CRISP2: variants seen among roughly 807,000 people sequenced by gnomAD.
CRISP2 encodes the protein cysteine-rich secretory protein 2.
A neutral mutation model predicts 31.7 loss-of-function variants in CRISP2; 29 were observed. The observed-to-expected ratio is 0.92, with a 90% CI of 0.68 to 1.25. The LOEUF (loss-of-function observed/expected upper bound fraction) is 1.25. Among genes scored for constraint, CRISP2 ranks in the 50% most tolerant of loss-of-function variants. The probability of loss-of-function intolerance (pLI) is 0.00; values close to 1 mark genes in which losing one functional copy is unlikely to be tolerated. For synonymous variants in CRISP2, 111 were observed against 101.4 expected (o/e 1.09, Z -0.57); for missense variants, 318 against 286.5 (o/e 1.11, Z -0.79).
chr6:49,698,274 A>G, intron 7 of CRISP2, 88 bp downstream of exon 7: 1 of 1,453,798 alleles, frequency 6.9e-7, no homozygotes, highest in Non-Finnish European at 9.5e-7. Context: ...CTGTTCTCCT[A>G]AATTGAACAT....
At chr6:49,711,386 C>T (rs1274360755) in intron 2 of CRISP2, 65 bp from the exon 3 acceptor site, 4 of 152,154 alleles carry the variant, frequency 2.6e-5, no homozygotes, top group Non-Finnish European at 5.9e-5. Flanking sequence ...CCTGTTTTGT[C>T]AAACTCTGGT....
the CRISP2 span, among the ~76,000 whole-genome samples, chr6:49,681,666 A>G: frequency 6.6e-6 from 1 of 152,224 alleles, no homozygotes; most frequent in Non-Finnish European, 1.5e-5. Flanking sequence ...TGGTTTAAAA[A>G]TGATGAAATC....
At position 49,692,713 on chromosome 6, in the gene CRISP2, G is replaced by A; in HGVS notation, c.*60C>T. 1 of 1,484,448 alleles carries A rather than the reference G, an allele frequency of 6.7e-7. No homozygotes were observed. The highest frequency in any genetic ancestry group is 1.4e-5 in the South Asian group (1 of 72,988). 92.0% of individuals were successfully genotyped at this position (1,484,448 alleles called of 1,614,324 possible). ...ACATACATACAATTTCCACTGGTAT[G>A]TCGCAATTAAATGATGCAGCCCTTA... is the stretch of plus-strand genomic sequence containing the variant. On this transcript the variant is annotated 3_prime_UTR_variant, in exon 10 of 10. Coordinates refer to ENST00000339139, the MANE Select transcript of CRISP2 (RefSeq NM_003296.4).
the CRISP2 span, among the ~76,000 whole-genome samples, chr6:49,683,903 C>T: frequency 2.0e-5 from 3 of 150,946 alleles, no homozygotes; most frequent in Non-Finnish European, 3.0e-5. Flanking sequence ...AATTAAATGT[C>T]CAGTTTGAAT....
chr6:49,703,054 C>T (rs1766371625), intron 4 of CRISP2, among the ~76,000 whole-genome samples: 1 of 151,984 alleles, frequency 6.6e-6, no homozygotes, highest in African/African-American at 2.4e-5. Flanking sequence ...AACTATCCCA[C>T]CACCATTTGT....
Position 49,709,625 on chromosome 6 carries a change from G to A in CRISP2, c.-9-420C>T, listed in dbSNP as rs76554673. The stretch of plus-strand genomic sequence containing the variant: ...CATCTCTCAATTGGCTATTCTATAC[G>A]AAAAGTAAAACGGTTTGTCCTTTTA... On this transcript the variant is annotated intron_variant, in intron 3 of 9. Coordinates refer to ENST00000339139, the MANE Select transcript of CRISP2 (RefSeq NM_003296.4). Among the ~76,000 whole-genome samples, 911 of 152,198 alleles carry A rather than the reference G, an allele frequency of 6.0e-3. 7 individuals carry two copies. Among genetic ancestry groups the A allele is most frequent in the African/African-American group, 0.018 (744 of 41,532 alleles).
At chr6:49,703,683 C>A (rs151018548) in intron 4 of CRISP2, among the ~76,000 whole-genome samples, 1 of 152,268 alleles carries the variant, frequency 6.6e-6, no homozygotes, top group Non-Finnish European at 1.5e-5. Context: ...GATAGGACTA[C>A]AATCTGTTCT....
chr6:49,692,948 G>C (rs1038135354), intron 9 of CRISP2, 48 bp from the exon 10 acceptor site: 15 of 1,600,810 alleles, frequency 9.4e-6, no homozygotes, highest in African/African-American at 4.0e-5. Context: ...TCCTCAGTAA[G>C]AGCAAAACCA....
the CRISP2 span, among the ~76,000 whole-genome samples, chr6:49,686,701 G>A: frequency 1.3e-5 from 2 of 152,138 alleles, no homozygotes; most frequent in Non-Finnish European, 2.9e-5. Flanking sequence ...TCCCATTACT[G>A]GGTATATACC....
chr6:49,681,259 C>T, the CRISP2 span, among the ~76,000 whole-genome samples: 7 of 152,074 alleles, frequency 4.6e-5, no homozygotes, highest in African/African-American at 1.7e-4. Context: ...GAGTCCTTTC[C>T]CCATTGCTTG....
chr6:49,704,249 A>C (rs1001297732), intron 4 of CRISP2, among the ~76,000 whole-genome samples: 8 of 151,794 alleles, frequency 5.3e-5, no homozygotes, highest in African/African-American at 1.7e-4. Flanking sequence ...AAATTTTTTC[A>C]TTCATACTTG....
At chr6:49,676,820 A>T in the CRISP2 span, among the ~76,000 whole-genome samples, 1 of 152,172 alleles carries the variant, frequency 6.6e-6, no homozygotes, top group African/African-American at 2.4e-5. Context: ...GGATGTAATC[A>T]TCAGGATGTT....
At chr6:49,713,594 C>A (rs1768422028), upstream of CRISP2, 1 of 152,232 alleles carries the variant, frequency 6.6e-6, no homozygotes, top group South Asian at 2.1e-4. Context: ...CACGTGTGGG[C>A]GACGTCACTG....
At chr6:49,703,302 CT>C (rs199876672) in intron 4 of CRISP2, among the ~76,000 whole-genome samples, 11 of 149,830 alleles carry the variant, frequency 7.3e-5, no homozygotes, top group African/African-American at 1.5e-4. Flanking sequence ...GCTATGCAGG[CT>C]TTTTTTTTGG....
chr6:49,703,133 T>C (rs768929199), intron 4 of CRISP2, among the ~76,000 whole-genome samples: 1 of 152,116 alleles, frequency 6.6e-6, no homozygotes, highest in Non-Finnish European at 1.5e-5. Context: ...GCTGTAAGTA[T>C]TTGGCCTTAT....
At chr6:49,678,230 T>C in the CRISP2 span, among the ~76,000 whole-genome samples, 2 of 152,208 alleles carry the variant, frequency 1.3e-5, no homozygotes, top group Non-Finnish European at 2.9e-5. Context: ...TGCTAAGCGC[T>C]TTAGCGGGCA....
intron 7 of CRISP2, 53 bp downstream of exon 7, chr6:49,698,309 C>A: frequency 6.3e-7 from 1 of 1,592,162 alleles, no homozygotes; most frequent in Admixed American, 1.7e-5. Flanking sequence ...TTTGGAGAAG[C>A]TTTCCTCTAT....
downstream of CRISP2, among the ~76,000 whole-genome samples, chr6:49,690,085 T>C (rs1764000774): frequency 6.6e-6 from 1 of 152,154 alleles, no homozygotes; most frequent in Non-Finnish European, 1.5e-5. Flanking sequence ...AAAATTCATA[T>C]TGTTTGCTTA....
chr6:49,685,244 A>T, the CRISP2 span, among the ~76,000 whole-genome samples: 1 of 152,242 alleles, frequency 6.6e-6, no homozygotes, highest in African/African-American at 2.4e-5. Flanking sequence ...TCCTTTAGAA[A>T]GTCGTAAGAC....
Sources: gnomAD v4.1 joint callset for allele counts (sites outside exome capture counted in the v4.1 genomes callset) on GRCh38, gnomAD v4.1.1 for gene constraint, MANE v1.5 for transcripts, NCBI Gene and HGNC (gene_info 2026-07-23, HGNC 2026-07-21) for gene names.